RBMS3: variants seen among roughly 807,000 people sequenced by gnomAD.
RBMS3 encodes the protein RNA binding motif single stranded interacting protein 3, also known as RNA-binding motif, single-stranded-interacting protein 3.
A neutral mutation model predicts 66.8 loss-of-function variants in RBMS3; 27 were observed. The observed-to-expected ratio is 0.40, with a 90% CI of 0.30 to 0.56. RBMS3 has a LOEUF of 0.56. RBMS3 is among the 20% of genes least tolerant of loss of function. The pLI is 0.40. For missense variants in RBMS3, 513 were observed against 549.5 expected (o/e 0.93, Z 0.66); for synonymous variants, 188 against 183.0 (o/e 1.03, Z -0.22).
intron 3 of RBMS3, among the ~76,000 whole-genome samples, chr3:29,491,644 C>T (rs1023364531): frequency 1.3e-5 from 2 of 152,228 alleles, no homozygotes; most frequent in South Asian, 2.1e-4. Context: ...GGAGGAAAGA[C>T]GGGGCTGTGG....
intron 4 of RBMS3, among the ~76,000 whole-genome samples, chr3:29,725,176 A>T (rs936606751): frequency 1.3e-5 from 2 of 152,214 alleles, no homozygotes; most frequent in Non-Finnish European, 2.9e-5. Flanking sequence ...TAGGGAGAAA[A>T]CATATAACTA....
intron 1 of RBMS3, among the ~76,000 whole-genome samples, chr3:29,394,953 A>G (rs1220701472): frequency 6.6e-6 from 1 of 152,216 alleles, no homozygotes; most frequent in African/African-American, 2.4e-5. Flanking sequence ...ACTTTGTTCA[A>G]AAGTTCAATC....
At chr3:29,818,927 C>T (rs1243693916) in intron 6 of RBMS3, among the ~76,000 whole-genome samples, 4 of 152,032 alleles carry the variant, frequency 2.6e-5, no homozygotes, top group Non-Finnish European at 5.9e-5. Context: ...CTATGAAAAC[C>T]CACATAACTA....
At chr3:29,345,929 G>A (rs764191930) in intron 1 of RBMS3, among the ~76,000 whole-genome samples, 1 of 152,224 alleles carries the variant, frequency 6.6e-6, no homozygotes, top group Admixed American at 6.5e-5. Context: ...GAAGGGAAAA[G>A]TGAAGATGTA....
intron 2 of RBMS3, among the ~76,000 whole-genome samples, chr3:29,447,007 C>T (rs1445373969): frequency 4.0e-5 from 6 of 149,490 alleles, no homozygotes; most frequent in African/African-American, 1.2e-4. Flanking sequence ...CCGCCTCCCA[C>T]GTTCAAGCCA....
intron 1 of RBMS3, among the ~76,000 whole-genome samples, chr3:29,424,682 C>T (rs910501717): frequency 6.6e-6 from 1 of 152,128 alleles, no homozygotes; most frequent in Non-Finnish European, 1.5e-5. Flanking sequence ...ATCAAAAAAA[C>T]CTGATACTAT....
At chr3:29,820,348 G>A (rs548781669) in intron 6 of RBMS3, among the ~76,000 whole-genome samples, 42 of 150,258 alleles carry the variant, frequency 2.8e-4, no homozygotes, top group African/African-American at 1.0e-3. Context: ...AATCCTTTCT[G>A]ATTGTAAAAC....
At chr3:29,684,037 G>T (rs534180976) in intron 4 of RBMS3, among the ~76,000 whole-genome samples, 2 of 152,248 alleles carry the variant, frequency 1.3e-5, no homozygotes, top group East Asian at 3.9e-4. Flanking sequence ...AAGCCACAGA[G>T]GATATTCTTG....
At chr3:29,903,936 T>C (rs2060314895) in intron 10 of RBMS3, among the ~76,000 whole-genome samples, 1 of 152,000 alleles carries the variant, frequency 6.6e-6, no homozygotes, top group African/African-American at 2.4e-5. Flanking sequence ...TATAAACTTC[T>C]TCTTTACAAC....
At chr3:29,660,442 T>C (rs1254945735) in intron 4 of RBMS3, among the ~76,000 whole-genome samples, 2 of 152,214 alleles carry the variant, frequency 1.3e-5, no homozygotes, top group African/African-American at 4.8e-5. Flanking sequence ...GAGTCTCTTA[T>C]AGACAGCAGA....
intron 8 of RBMS3, among the ~76,000 whole-genome samples, chr3:29,895,391 A>T (rs372143502): frequency 6.6e-6 from 1 of 151,430 alleles, no homozygotes; most frequent in Non-Finnish European, 1.5e-5. Flanking sequence ...TAGAACAGGT[A>T]TCTCCCCTCC....
chr3:29,825,616 T>A (rs2058192079), intron 6 of RBMS3, among the ~76,000 whole-genome samples: 1 of 152,290 alleles, frequency 6.6e-6, no homozygotes, highest in South Asian at 2.1e-4. Context: ...TGCTTCTCCT[T>A]TGCCATCTGC....
intron 4 of RBMS3, among the ~76,000 whole-genome samples, chr3:29,681,654 C>G (rs920778808): frequency 5.3e-5 from 8 of 152,070 alleles, no homozygotes; most frequent in Non-Finnish European, 1.2e-4. Flanking sequence ...GGCTTTCAAC[C>G]CCATCCATGT....
chr3:29,849,668 G>T (rs2058882964), intron 6 of RBMS3, among the ~76,000 whole-genome samples: 2 of 152,156 alleles, frequency 1.3e-5, no homozygotes, highest in African/African-American at 2.4e-5. Flanking sequence ...AACAAATGGG[G>T]AAGGTCCAAT....
intron 6 of RBMS3, among the ~76,000 whole-genome samples, chr3:29,806,772 T>C (rs1234485056): frequency 6.6e-6 from 1 of 151,938 alleles, no homozygotes; most frequent in Non-Finnish European, 1.5e-5. Flanking sequence ...AGGTATGTCA[T>C]GAATTCTATT....
At chr3:29,757,530 A>G (rs2149375306) in intron 5 of RBMS3, among the ~76,000 whole-genome samples, 1 of 152,328 alleles carries the variant, frequency 6.6e-6, no homozygotes, top group East Asian at 1.9e-4. Context: ...CCCTGGCTGC[A>G]CACTGAAATC....
chr3:29,550,797 A>G (rs1052929088), intron 3 of RBMS3, among the ~76,000 whole-genome samples: 5 of 152,204 alleles, frequency 3.3e-5, no homozygotes, highest in African/African-American at 1.2e-4. Flanking sequence ...AAGGTTACAG[A>G]AGCCAAGAGA....
intron 6 of RBMS3, among the ~76,000 whole-genome samples, chr3:29,862,815 C>T (rs2059249983): frequency 6.7e-6 from 1 of 148,344 alleles, no homozygotes; most frequent in South Asian, 2.1e-4. Flanking sequence ...CAAGCCACTG[C>T]ACTCCAGCCT....
chr3:29,834,844 G>A (rs960290964), intron 6 of RBMS3, among the ~76,000 whole-genome samples: 5 of 151,898 alleles, frequency 3.3e-5, no homozygotes, highest in African/African-American at 4.8e-5. Flanking sequence ...ACACAGAGTG[G>A]CCAAATGGAT....
Sources: gnomAD v4.1 joint callset for allele counts (sites outside exome capture counted in the v4.1 genomes callset) on GRCh38, gnomAD v4.1.1 for gene constraint, MANE v1.5 for transcripts, NCBI Gene and HGNC (gene_info 2026-07-23, HGNC 2026-07-21) for gene names.